CTTNBP2: variants seen among roughly 807,000 people sequenced by gnomAD.
CTTNBP2 encodes the protein cortactin-binding protein 2.
Under a neutral mutation model 156.9 loss-of-function variants are expected in CTTNBP2, and 108 were observed. That is an observed-to-expected ratio of 0.69 (90% CI 0.59 to 0.81). The LOEUF (loss-of-function observed/expected upper bound fraction) is 0.81, where lower values mean the gene tolerates loss of function less well. CTTNBP2 is among the 30% of genes least tolerant of loss of function. The pLI, the probability that CTTNBP2 is intolerant of heterozygous loss-of-function variation, is 0.00. For synonymous variants in CTTNBP2, 767 were observed against 751.8 expected, an observed-to-expected ratio of 1.02 and a Z score of -0.33; for missense variants, 1,924 against 2,035.4, an observed-to-expected ratio of 0.95 and a Z score of 1.05.
chr7:117,718,170 T>G, intron 21 of CTTNBP2, 51 bp from the exon 22 acceptor site: 10 of 1,091,074 alleles, frequency 9.2e-6, no homozygotes, highest in African/African-American at 1.5e-5. Flanking sequence ...ACACTGTGCA[T>G]ACTCAAGGCA....
In CTTNBP2 at chr7:117,837,261, T is replaced by A. The variant is rs1218718279; in HGVS notation, c.189+23948A>T. On this transcript the variant is annotated intron_variant, in intron 2 of 22. Transcript: ENST00000160373. ...CCTAAGCCATTGAATGCCAGACTAT[T>A]GTAACAACAACAAAACCACCAATAA... is the stretch of plus-strand genomic sequence containing the variant. Among the ~76,000 whole-genome samples, 3 of 152,226 alleles carry A rather than the reference T, an allele frequency of 2.0e-5. 1 individual carries two copies. The highest frequency in any genetic ancestry group is 7.2e-5 in the African/African-American group (3 of 41,466).
chr7:117,828,195 T>C (rs928504586), intron 2 of CTTNBP2, among the ~76,000 whole-genome samples: 11 of 152,158 alleles, frequency 7.2e-5, no homozygotes, highest in Admixed American at 3.9e-4. Context: ...TGTTCCCCAG[T>C]CCTTGAGAGA....
Position 117,724,697 on chromosome 7 carries a change from T to C in CTTNBP2, c.4297A>G (p.Ser1433Gly), listed in dbSNP as rs142054374. 4.5e-5 allele frequency: 73 copies of C among 1,614,200 alleles called. 1 individual carries two copies. The African/African-American group carries it at 7.9e-4, about 17-fold the overall frequency. ...CTGGAAACTATGGATAAAGGGAAAC[T>C]TCCTCCTTTGAAATCAGCTGTATGC... Reference protein sequence around the residue: ...DQHTADFKGGSFPLSIVSSYN... With the variant: ...DQHTADFKGGGFPLSIVSSYN... Residue 1433 changes from serine to glycine, a missense_variant, in exon 19 of 23, where the codon AGT becomes GGT. By Grantham distance (56) the Ser-to-Gly change is moderately conservative. Transcript: ENST00000160373.
intron 9 of CTTNBP2, among the ~76,000 whole-genome samples, chr7:117,764,690 T>C (rs181088855): frequency 6.6e-6 from 1 of 152,356 alleles, no homozygotes; most frequent in East Asian, 1.9e-4. Context: ...ACTTGGTACC[T>C]TTAAAATATG....
intron 12 of CTTNBP2, among the ~76,000 whole-genome samples, chr7:117,747,910 T>C (rs866642752): frequency 2.0e-5 from 3 of 152,202 alleles, no homozygotes; most frequent in Admixed American, 1.3e-4. Flanking sequence ...AGTGGTCCTT[T>C]AAGGGGCTCC....
chr7:117,757,528 T>TAAAAAAAAAAAAAAAAAAAAA (rs56687697), intron 11 of CTTNBP2, among the ~76,000 whole-genome samples: 1 of 91,442 alleles, frequency 1.1e-5, no homozygotes, highest in Admixed American at 1.3e-4. Flanking sequence ...TTAAGCACAG[T>TAAAAAAAAAAAAAAAAAAAAA]AAAAAAAAAA....
intron 9 of CTTNBP2, among the ~76,000 whole-genome samples, chr7:117,761,889 A>G (rs931574540): frequency 6.6e-6 from 1 of 152,200 alleles, no homozygotes; most frequent in Non-Finnish European, 1.5e-5. Context: ...GTTTGTTTAT[A>G]TGATCCTCTT....
At chr7:117,746,336 A>G (rs951356478) in intron 12 of CTTNBP2, among the ~76,000 whole-genome samples, 2 of 152,074 alleles carry the variant, frequency 1.3e-5, no homozygotes, top group African/African-American at 4.8e-5. Flanking sequence ...TTTTCCCTCT[A>G]TTTTCCATAG....
At chr7:117,752,597 T>C (rs766090672) in intron 12 of CTTNBP2, among the ~76,000 whole-genome samples, 1 of 152,164 alleles carries the variant, frequency 6.6e-6, no homozygotes, top group Non-Finnish European at 1.5e-5. Context: ...TTTAAAGTCT[T>C]CACTACATGT....
In CTTNBP2 at chr7:117,725,265, G is replaced by C; in HGVS notation, c.4056-8C>G. On this transcript the variant is annotated splice_region_variant and splice_polypyrimidine_tract_variant and intron_variant, in intron 17 of 22. Transcript: ENST00000160373. ...CACAGCTTAGACATCCACCTAGCAG[G>C]AGAGGGACCGATTCATCCCTTAGGA... 6.2e-7 allele frequency: 1 copy of C among 1,612,976 alleles called. No individual in the cohort carries two copies. The highest frequency in any genetic ancestry group is 8.5e-7 in the Non-Finnish European group (1 of 1,178,950).
intron 7 of CTTNBP2, among the ~76,000 whole-genome samples, chr7:117,779,687 TG>T (rs1311130865): frequency 1.5e-4 from 23 of 151,604 alleles, no homozygotes. Flanking sequence ...GCTGTAGCAA[TG>T]AGTCATTAAA....
intron 3 of CTTNBP2, among the ~76,000 whole-genome samples, chr7:117,809,496 T>C (rs941014085): frequency 2.0e-5 from 3 of 152,176 alleles, no homozygotes; most frequent in African/African-American, 7.2e-5. Flanking sequence ...CTCTTGTGTA[T>C]GTGGTTTGTG....
chr7:117,786,309 A>G (rs1798696459), intron 4 of CTTNBP2: 13 of 327,214 alleles, frequency 4.0e-5, no homozygotes, highest in South Asian at 3.1e-4. Flanking sequence ...TTCAATATTT[A>G]TCTAAACTTT....
intron 6 of CTTNBP2, among the ~76,000 whole-genome samples, chr7:117,781,334 TTTA>T (rs1379551347): frequency 1.3e-5 from 2 of 152,240 alleles, no homozygotes; most frequent in African/African-American, 2.4e-5. Flanking sequence ...CACTTCATCT[TTTA>T]TTTTCACTCC....
chr7:117,853,039 T>C (rs1803033045), intron 2 of CTTNBP2, among the ~76,000 whole-genome samples: 2 of 152,154 alleles, frequency 1.3e-5, no homozygotes, highest in African/African-American at 4.8e-5. Context: ...AAATAATGCC[T>C]ATGAAGTGCC....
intron 8 of CTTNBP2, among the ~76,000 whole-genome samples, chr7:117,774,646 T>C (rs36094349): frequency 0.11 from 4,152 of 37,476 alleles, 200 homozygotes; most frequent in African/African-American, 0.29. Context: ...CATGGAAAAA[T>C]TGTCTTCCAC....
At chr7:117,720,022 C>T (rs941009282) in intron 20 of CTTNBP2, among the ~76,000 whole-genome samples, 6 of 152,184 alleles carry the variant, frequency 3.9e-5, no homozygotes, top group Non-Finnish European at 5.9e-5. Context: ...TGACCATGCA[C>T]CAGGTTTTCT....
chr7:117,731,005 G>A (rs1795369984), intron 16 of CTTNBP2, among the ~76,000 whole-genome samples: 1 of 152,084 alleles, frequency 6.6e-6, no homozygotes, highest in Admixed American at 6.5e-5. Context: ...ACTGAGTTTA[G>A]GGTTGTGGTC....
At chr7:117,872,643 A>C (rs1465814770) in intron 1 of CTTNBP2, among the ~76,000 whole-genome samples, 1 of 152,190 alleles carries the variant, frequency 6.6e-6, no homozygotes, top group Non-Finnish European at 1.5e-5. Context: ...AACCAGGTGC[A>C]GAACCTCCAC....
Sources: allele counts gnomAD v4.1 joint callset (sites outside exome capture counted in the v4.1 genomes callset), GRCh38; gene constraint gnomAD v4.1.1; transcripts MANE v1.5; gene names NCBI Gene and HGNC (gene_info 2026-07-23, HGNC 2026-07-21).